YEATS2: variants seen among roughly 807,000 people sequenced by gnomAD.
YEATS2 encodes the protein YEATS domain-containing protein 2.
A neutral mutation model predicts 163.2 loss-of-function variants in YEATS2; 77 were observed. That is an observed-to-expected ratio of 0.47 (90% CI 0.39 to 0.57). The LOEUF (loss-of-function observed/expected upper bound fraction) is 0.57, where lower values mean the gene tolerates loss of function less well. YEATS2 is among the 20% of genes least tolerant of loss of function. YEATS2 has a pLI of 0.00. For synonymous variants in YEATS2, 631 were observed against 645.1 expected (o/e 0.98, Z 0.33); for missense variants, 1,549 against 1,729.8 (o/e 0.90, Z 1.85).
chr3:183,801,321 C>A, intron 24 of YEATS2, 134 bp from the exon 25 acceptor site: 1 of 563,442 alleles, frequency 1.8e-6, no homozygotes, highest in Non-Finnish European at 3.0e-6. Flanking sequence ...GAAGGAAAGA[C>A]ATGCTAATAT....
intron 7 of YEATS2, among the ~76,000 whole-genome samples, chr3:183,730,534 T>C (rs1413505228): frequency 6.6e-6 from 1 of 152,150 alleles, no homozygotes; most frequent in East Asian, 1.9e-4. Flanking sequence ...TGGTGGCTGT[T>C]TTTTTTGCTG....
intron 15 of YEATS2, among the ~76,000 whole-genome samples, chr3:183,770,120 G>A (rs1293314448): frequency 6.6e-6 from 1 of 151,882 alleles, no homozygotes; most frequent in East Asian, 1.9e-4. Context: ...CGGGTGCGGT[G>A]GCTCACACCT....
chr3:183,790,570 A>G (rs1724526537), intron 20 of YEATS2, among the ~76,000 whole-genome samples: 1 of 152,198 alleles, frequency 6.6e-6, no homozygotes, highest in African/African-American at 2.4e-5. Flanking sequence ...CCCCCATGAT[A>G]CTTCCTTGTT....
intron 4 of YEATS2, among the ~76,000 whole-genome samples, chr3:183,720,219 A>T (rs1044821434): frequency 1.3e-5 from 2 of 152,158 alleles, no homozygotes; most frequent in African/African-American, 4.8e-5. Context: ...TTATAAAGGA[A>T]TGTTTTTTCC....
chr3:183,730,865 T>C (rs1299147509), intron 7 of YEATS2, among the ~76,000 whole-genome samples: 1 of 152,138 alleles, frequency 6.6e-6, no homozygotes, highest in Non-Finnish European at 1.5e-5. Flanking sequence ...TATCATAGAC[T>C]GTAAGCTGAG....
chr3:183,733,895 A>G (rs1013744087), intron 7 of YEATS2, among the ~76,000 whole-genome samples: 5 of 151,988 alleles, frequency 3.3e-5, no homozygotes, highest in Non-Finnish European at 7.4e-5. Context: ...TGCTAGGCTC[A>G]GGGCGTGATA....
At position 183,722,133 on chromosome 3, in the gene YEATS2, A is replaced by C. The variant is rs773943152; in HGVS notation, c.534A>C (p.Gly178=). The C allele has an allele frequency of 6.2e-7, 1 of 1,613,570 alleles. No individual in the cohort carries two copies. Among genetic ancestry groups the C allele is most frequent in the East Asian group, 2.2e-5 (1 of 44,846 alleles). ...AGCAGAGACCAAGCCGAAATACTGG[A>C]AGGGTATATAGATGGGTGGATGTGG... ...NMEQRPSRNT[G]RDTSRITGSH... The change falls in exon 5 of 31, where the codon GGA becomes GGC. Residue 178 remains glycine (G), a synonymous_variant. Coordinates refer to ENST00000305135, the MANE Select transcript of YEATS2 (RefSeq NM_018023.5).
chr3:183,741,084 C>T (rs1242456468), intron 8 of YEATS2, among the ~76,000 whole-genome samples: 1 of 151,712 alleles, frequency 6.6e-6, no homozygotes, highest in Non-Finnish European at 1.5e-5. Flanking sequence ...GATTACAGAC[C>T]CCTGCCACCA....
At chr3:183,722,816 C>T (rs1716668708) in intron 5 of YEATS2, among the ~76,000 whole-genome samples, 1 of 151,964 alleles carries the variant, frequency 6.6e-6, no homozygotes, top group Non-Finnish European at 1.5e-5. Flanking sequence ...CCACGCCTGG[C>T]TAATTTTTTG....
At chr3:183,740,356 T>C (rs946473033) in intron 8 of YEATS2, among the ~76,000 whole-genome samples, 1 of 152,192 alleles carries the variant, frequency 6.6e-6, no homozygotes, top group Non-Finnish European at 1.5e-5. Flanking sequence ...TGAAAAAATG[T>C]TCATCATCAC....
At chr3:183,793,270 A>G in intron 21 of YEATS2, 1 of 1,168,330 alleles carries the variant, frequency 8.6e-7, no homozygotes, top group South Asian at 1.7e-5. Context: ...TTATTACTTC[A>G]TTCATATGTA....
chr3:183,744,294 T>A lies in YEATS2; in HGVS notation c.925-3378T>A, dbSNP rs1308383150. ...CGCACGGCTAATTTTTTTTTGTATT[T>A]TTAGTAGAGACGGGGTTTCATCATG... On this transcript the variant is annotated intron_variant, in intron 8 of 30. Coordinates refer to ENST00000305135, the MANE Select transcript of YEATS2 (RefSeq NM_018023.5). Among the ~76,000 whole-genome samples, 3 of 151,836 alleles carry A rather than the reference T, an allele frequency of 2.0e-5. No individual in the cohort carries two copies. The East Asian group carries it at 5.8e-4, about 29-fold the overall frequency.
At chr3:183,785,951 T>A (rs1222554110) in intron 19 of YEATS2, among the ~76,000 whole-genome samples, 174 bp from the exon 20 acceptor site, 2 of 152,200 alleles carry the variant, frequency 1.3e-5, no homozygotes, top group African/African-American at 2.4e-5. Context: ...AGGTGAAAGG[T>A]CATAAAATTT....
chr3:183,763,162 G>A (rs1024209936), intron 15 of YEATS2, among the ~76,000 whole-genome samples: 2 of 152,096 alleles, frequency 1.3e-5, no homozygotes, highest in East Asian at 1.9e-4. Context: ...ATTCTGAGAC[G>A]TGTCATTAGG....
intron 1 of YEATS2, among the ~76,000 whole-genome samples, chr3:183,712,758 A>G (rs1339080402): frequency 1.4e-5 from 2 of 141,362 alleles, no homozygotes; most frequent in East Asian, 4.3e-4. Flanking sequence ...GCTAATACTA[A>G]TACAAATTTT....
intron 15 of YEATS2, among the ~76,000 whole-genome samples, chr3:183,764,773 C>G (rs1282132743): frequency 6.6e-6 from 1 of 152,166 alleles, no homozygotes; most frequent in Non-Finnish European, 1.5e-5. Flanking sequence ...TGCTATTGCA[C>G]TCCAGCCTGG....
chr3:183,698,146 G>A lies in YEATS2; in HGVS notation c.-20+153G>A, dbSNP rs1039379452. Among the ~76,000 whole-genome samples, 4 of 151,948 alleles carry A rather than the reference G, an allele frequency of 2.6e-5. No individual in the cohort carries two copies. The South Asian group carries it at 8.3e-4, about 31-fold the overall frequency. On this transcript the variant is annotated intron_variant, in intron 1 of 30. Coordinates refer to ENST00000305135, the MANE Select transcript of YEATS2 (RefSeq NM_018023.5). ...ACCCGGTGAGGCCCCGGGGCCGAGG[G>A]GAGGGCAGGGAGGATCCCAGGTGCG... is the stretch of plus-strand genomic sequence containing the variant.
At chr3:183,702,599 G>A (rs906510391) in intron 1 of YEATS2, among the ~76,000 whole-genome samples, 1 of 152,114 alleles carries the variant, frequency 6.6e-6, no homozygotes, top group African/African-American at 2.4e-5. Flanking sequence ...CACTTTGGGA[G>A]GCTGAGGCGG....
In YEATS2 at chr3:183,728,818, C is replaced by G. The variant is rs1717403181; in HGVS notation, c.779C>G (p.Pro260Arg). The G allele has an allele frequency of 1.2e-6, 2 of 1,613,970 alleles. No individual in the cohort carries two copies. Among genetic ancestry groups the G allele is most frequent in the Admixed American group, 3.3e-5 (2 of 59,990 alleles). ...AAGAAGGTTTGGTTCTTCCTTCATC[C>G]TAGCTATAAACCAAATGACCTTGTG... ...FVKKVWFFLH[P>R]SYKPNDLVEV... The change falls in exon 7 of 31, where the codon CCT becomes CGT. Residue 260 changes from proline (P) to arginine (R), a missense_variant. Transcript: ENST00000305135.
Sources: allele counts gnomAD v4.1 joint callset (sites outside exome capture counted in the v4.1 genomes callset), GRCh38; gene constraint gnomAD v4.1.1; transcripts MANE v1.5; gene names NCBI Gene and HGNC (gene_info 2026-07-23, HGNC 2026-07-21).